PCNX2: variants seen among roughly 807,000 people sequenced by gnomAD.
PCNX2 encodes pecanex-like protein 2.
In PCNX2, 168 loss-of-function variants were observed where a neutral mutation model predicts 223.8. That is an observed-to-expected ratio of 0.75 (90% CI 0.66 to 0.85). The LOEUF (loss-of-function observed/expected upper bound fraction) is 0.85. Among genes scored for constraint, PCNX2 ranks in the 40% least tolerant of loss-of-function variants. The pLI is 0.00. For synonymous variants in PCNX2, 1,006 were observed against 1,052.6 expected, an observed-to-expected ratio of 0.96 and a Z score of 0.86; for missense variants, 2,507 against 2,675.5, an observed-to-expected ratio of 0.94 and a Z score of 1.39.
At chr1:233,074,902 TA>T (rs1558207327) in intron 23 of PCNX2, among the ~76,000 whole-genome samples, 1 of 151,888 alleles carries the variant, frequency 6.6e-6, no homozygotes, top group African/African-American at 2.4e-5. Context: ...ATGGCTACAA[TA>T]AAAAATAGTG....
chr1:233,039,972 A>C (rs146401535), intron 25 of PCNX2, among the ~76,000 whole-genome samples: 62 of 152,354 alleles, frequency 4.1e-4, no homozygotes, highest in African/African-American at 1.3e-3. Context: ...TAAATATTTG[A>C]TTGATGGAAA....
At chr1:233,290,042 TA>T (rs1474045014) in intron 1 of PCNX2, among the ~76,000 whole-genome samples, 1 of 149,670 alleles carries the variant, frequency 6.7e-6, no homozygotes, top group Non-Finnish European at 1.5e-5. Context: ...GGGAAAGAAG[TA>T]AAGGAGGAAG....
At chr1:233,211,452 T>A (rs1308605792) in intron 12 of PCNX2, among the ~76,000 whole-genome samples, 1 of 151,994 alleles carries the variant, frequency 6.6e-6, no homozygotes. Context: ...ACAACTGATA[T>A]AAAACAACAA....
At chr1:233,278,500 G>A (rs1324891467) in intron 1 of PCNX2, among the ~76,000 whole-genome samples, 1 of 152,136 alleles carries the variant, frequency 6.6e-6, no homozygotes, top group African/African-American at 2.4e-5. Flanking sequence ...ATGGAAAGGG[G>A]GTCACAAGCC....
rs555082876 is a variant in PCNX2, at chr1:232,986,014, A to G, written c.6240+78T>C. On this transcript the variant is annotated intron_variant, in intron 33 of 33. Coordinates refer to ENST00000258229, the MANE Select transcript of PCNX2 (RefSeq NM_014801.4). ...TCTGCAGGCAGAAGGGTGGGAACGC[A>G]AGGCAGGTGCCACGCTCAGGCCAGG... 4.1e-6 allele frequency: 6 copies of G among 1,474,546 alleles called. No homozygotes were observed. The Admixed American group carries it at 1.2e-4, about 29-fold the overall frequency. 91.3% of individuals were successfully genotyped at this position (1,474,546 alleles called of 1,614,324 possible).
chr1:233,313,926 C>T, the PCNX2 span, among the ~76,000 whole-genome samples: 1 of 152,238 alleles, frequency 6.6e-6, no homozygotes, highest in Non-Finnish European at 1.5e-5. Context: ...AGTTTCCTAG[C>T]TCCTGTGGAG....
At chr1:233,011,010 C>G (rs561093961) in intron 28 of PCNX2, among the ~76,000 whole-genome samples, 7 of 152,304 alleles carry the variant, frequency 4.6e-5, no homozygotes, top group African/African-American at 1.7e-4. Context: ...TGCTTTAGCA[C>G]TAACTATGTA....
At chr1:233,308,165 T>C in the PCNX2 span, among the ~76,000 whole-genome samples, 4 of 151,900 alleles carry the variant, frequency 2.6e-5, no homozygotes, top group African/African-American at 9.7e-5. Context: ...TCAAAAGACA[T>C]AGGAGAAGAA....
At chr1:233,040,689 C>T (rs1278106243) in intron 25 of PCNX2, among the ~76,000 whole-genome samples, 1 of 152,094 alleles carries the variant, frequency 6.6e-6, no homozygotes, top group African/African-American at 2.4e-5. Context: ...ACTCTCTCCA[C>T]CACGCCTCCT....
chr1:233,120,164 C>CAAAAAAAA (rs1228898502), intron 21 of PCNX2, among the ~76,000 whole-genome samples: 8 of 42,634 alleles, frequency 1.9e-4, no homozygotes, highest in African/African-American at 2.9e-4. Flanking sequence ...GACTCCATTT[C>CAAAAAAAA]AAAAAAAAAA....
At chr1:233,104,224 T>C (rs1026516815) in intron 21 of PCNX2, among the ~76,000 whole-genome samples, 2 of 152,060 alleles carry the variant, frequency 1.3e-5, no homozygotes, top group Non-Finnish European at 2.9e-5. Flanking sequence ...TGTAAACAGA[T>C]AAAATTTGCC....
chr1:232,995,595 A>G (rs759620621), intron 32 of PCNX2, among the ~76,000 whole-genome samples: 1 of 152,166 alleles, frequency 6.6e-6, no homozygotes, highest in African/African-American at 2.4e-5. Flanking sequence ...GGGGAAACCC[A>G]TGATTTTTGT....
intron 13 of PCNX2, 26 bp from the exon 14 acceptor site, chr1:233,200,290 G>A (rs768608817): frequency 2.0e-6 from 3 of 1,487,478 alleles, no homozygotes; most frequent in Non-Finnish European, 1.8e-6. Context: ...CAAAATTGAC[G>A]ATAAGCATGG....
At chr1:233,183,419 A>C (rs868700084) in intron 15 of PCNX2, among the ~76,000 whole-genome samples, 2 of 152,220 alleles carry the variant, frequency 1.3e-5, no homozygotes, top group Admixed American at 6.5e-5. Flanking sequence ...GGCTTTCATA[A>C]TGACTCATGT....
In PCNX2 at chr1:233,257,304, AGAACAG is replaced by A. The variant is rs529582837; in HGVS notation, c.1834+718_1834+723del. ...GTGAAAATTTCTGAGACTCATCCGAAGAACAGGAAGGATGATGGTATATCCATAACG... is the reference window on the plus strand; with the variant it reads ...GTGAAAATTTCTGAGACTCATCCGAAGAAGGATGATGGTATATCCATAACG... On this transcript the variant is annotated intron_variant, in intron 5 of 33. Transcript: ENST00000258229. Among the ~76,000 whole-genome samples, 6 of 152,108 alleles carry A rather than the reference AGAACAG, an allele frequency of 3.9e-5. No individual in the cohort carries two copies. The South Asian group carries it at 1.2e-3, about 32-fold the overall frequency.
At chr1:233,212,882 T>C (rs1681897963) in intron 12 of PCNX2, among the ~76,000 whole-genome samples, 1 of 152,228 alleles carries the variant, frequency 6.6e-6, no homozygotes, top group South Asian at 2.1e-4. Flanking sequence ...TTCATGTCAT[T>C]CAAAATCATT....
At chr1:233,046,748 T>C (rs148619907) in intron 25 of PCNX2, among the ~76,000 whole-genome samples, 33 of 152,314 alleles carry the variant, frequency 2.2e-4, no homozygotes, top group African/African-American at 7.7e-4. Flanking sequence ...GCTACATCTG[T>C]CAGTTCTAAG....
At chr1:233,308,457 T>TA in the PCNX2 span, among the ~76,000 whole-genome samples, 1 of 140,716 alleles carries the variant, frequency 7.1e-6, no homozygotes, top group Admixed American at 6.9e-5. Flanking sequence ...AGACTCTGTT[T>TA]AAAAAAACAA....
intron 17 of PCNX2, among the ~76,000 whole-genome samples, chr1:233,167,494 G>A (rs1043661542): frequency 1.3e-5 from 2 of 152,132 alleles, no homozygotes; most frequent in Non-Finnish European, 2.9e-5. Flanking sequence ...TAATGTACAT[G>A]AGAACTATAA....
Sources: allele counts gnomAD v4.1 joint callset (sites outside exome capture counted in the v4.1 genomes callset), GRCh38; gene constraint gnomAD v4.1.1; transcripts MANE v1.5; gene names NCBI Gene and HGNC (gene_info 2026-07-23, HGNC 2026-07-21).